The following TXNRD1 variants were observed in gnomAD, a reference collection of about 807,000 sequenced individuals.
The protein encoded by TXNRD1 is thioredoxin reductase 1.
A neutral mutation model predicts 80.3 loss-of-function variants in TXNRD1; 57 were observed. That is an observed-to-expected ratio of 0.71 (90% CI 0.57 to 0.89). The LOEUF (loss-of-function observed/expected upper bound fraction) is 0.89, where lower values mean the gene tolerates loss of function less well. Among genes scored for constraint, TXNRD1 ranks in the 40% least tolerant of loss-of-function variants. TXNRD1 has a pLI of 0.00. For synonymous variants in TXNRD1, 291 were observed against 285.2 expected (o/e 1.02, Z -0.20); for missense variants, 730 against 803.0 (o/e 0.91, Z 1.10).
chr12:104,339,076 G>A (rs1029900325), intron 15 of TXNRD1, 63 bp from the exon 16 acceptor site: 4 of 1,595,934 alleles, frequency 2.5e-6, no homozygotes, highest in South Asian at 1.1e-5. Context: ...GCTCTAAGCT[G>A]TGTAGGAAGA....
chr12:104,303,959 G>A lies in TXNRD1; in HGVS notation c.415-7331G>A, dbSNP rs756054310. ...GATGAAGATGGATGTGTCAGTGAGGGCCGCGGGCTGCTCCGACGACCTCAG... is the reference window on the plus strand; with the variant it reads ...GATGAAGATGGATGTGTCAGTGAGGACCGCGGGCTGCTCCGACGACCTCAG... On this transcript the variant is annotated intron_variant, in intron 4 of 16. Transcript: ENST00000525566. 5 of 1,601,564 alleles carry A rather than the reference G, an allele frequency of 3.1e-6. No homozygotes were observed. The South Asian group carries it at 4.4e-5, about 14-fold the overall frequency.
rs1341070458 is a variant in TXNRD1 at position 104,304,979 on chromosome 12, G to A, written c.415-6311G>A. On this transcript the variant is annotated intron_variant, in intron 4 of 16. Transcript: ENST00000525566. ...ATCCTTTTTGTGTTTTTTTTCTGAA[G>A]TTAGATGGAGAGTAAAATGTAAACT... 6.6e-6 allele frequency: 10 copies of A among 1,517,306 alleles called. No homozygotes were observed. The South Asian group carries it at 1.2e-4, about 18-fold the overall frequency. The allele number at this position is 1,517,306 out of a possible 1,614,324, so 94.0% of individuals were successfully genotyped here.
chr12:104,300,582 C>T (rs2034588063), intron 4 of TXNRD1, among the ~76,000 whole-genome samples: 2 of 152,190 alleles, frequency 1.3e-5, no homozygotes, highest in Admixed American at 6.5e-5. Flanking sequence ...GATTAACCGG[C>T]ATGGAAATCC....
chr12:104,319,487 C>T lies in TXNRD1; in HGVS notation c.891C>T (p.Gly297=), dbSNP rs1361060918. 2 of 1,586,260 alleles carry T rather than the reference C, an allele frequency of 1.3e-6. No individual in the cohort carries two copies. Among genetic ancestry groups the T allele is most frequent in the Admixed American group, 3.6e-5 (2 of 55,200 alleles). The change falls in exon 9 of 17, where the codon GGC becomes GGT. Residue 297 remains glycine (G), a synonymous_variant. Transcript: ENST00000525566. The part of the protein sequence containing the change: ...PHRIKATNNK[G]KEKIYSAERF... ...CTTTGTAGGCAACAAATAATAAAGG[C>T]AAAGAAAAAATTTATTCAGCAGAGA...
At chr12:104,280,680 A>G (rs1175412551) in intron 3 of TXNRD1, 1 of 152,196 alleles carries the variant, frequency 6.6e-6, no homozygotes. Context: ...CATAATGTGG[A>G]TGGGCTTCAT....
At chr12:104,292,425 G>C (rs1207584083) in intron 4 of TXNRD1, among the ~76,000 whole-genome samples, 1 of 143,888 alleles carries the variant, frequency 6.9e-6, no homozygotes, top group Non-Finnish European at 1.5e-5. Context: ...TTCTGCTCTT[G>C]TTGCCTGGGC....
chr12:104,301,624 A>G (rs7304355), intron 4 of TXNRD1, among the ~76,000 whole-genome samples: 13,321 of 152,324 alleles, frequency 0.087, 618 homozygotes, highest in African/African-American at 0.11. Flanking sequence ...GGCGTGAGCC[A>G]CCGTGCCCGG....
At chr12:104,231,262 C>G (rs2032616212) in intron 1 of TXNRD1, among the ~76,000 whole-genome samples, 1 of 152,176 alleles carries the variant, frequency 6.6e-6, no homozygotes, top group Non-Finnish European at 1.5e-5. Flanking sequence ...ACAACTATTT[C>G]TGGCTACTTC....
chr12:104,321,428 C>T, intron 10 of TXNRD1, 112 bp downstream of exon 10: 1 of 802,712 alleles, frequency 1.2e-6, no homozygotes, highest in Non-Finnish European at 2.0e-6. Context: ...ATCAGGAATG[C>T]TGATTCCCCT....
chr12:104,231,739 C>T (rs1255769509), intron 1 of TXNRD1, among the ~76,000 whole-genome samples: 2 of 152,176 alleles, frequency 1.3e-5, no homozygotes, highest in Non-Finnish European at 1.5e-5. Flanking sequence ...TATGGGCACC[C>T]TACTCACTTT....
intron 1 of TXNRD1, among the ~76,000 whole-genome samples, chr12:104,246,498 T>A (rs531332267): frequency 5.3e-5 from 8 of 149,908 alleles, no homozygotes; most frequent in Non-Finnish European, 8.9e-5. Flanking sequence ...CATACTATTT[T>A]GAAAGTACAT....
chr12:104,218,408 A>G (rs2032270606), intron 1 of TXNRD1, among the ~76,000 whole-genome samples: 1 of 152,144 alleles, frequency 6.6e-6, no homozygotes, highest in Non-Finnish European at 1.5e-5. Context: ...CATGCAGCCC[A>G]CACTCAGCTG....
intron 3 of TXNRD1, among the ~76,000 whole-genome samples, chr12:104,277,163 G>A (rs1399091094): frequency 1.3e-5 from 2 of 151,722 alleles, no homozygotes; most frequent in Non-Finnish European, 2.9e-5. Context: ...AGGCCGAGGC[G>A]GGTGGATCAC....
chr12:104,327,478 GTAAT>G, intron 12 of TXNRD1, 33 bp from the exon 13 acceptor site: 1 of 1,574,752 alleles, frequency 6.4e-7, no homozygotes, highest in Non-Finnish European at 8.7e-7. Flanking sequence ...ATTAATAATG[GTAAT>G]TAATGATGAT....
intron 10 of TXNRD1, among the ~76,000 whole-genome samples, chr12:104,324,109 G>A (rs1257232120): frequency 6.6e-6 from 1 of 152,148 alleles, no homozygotes; most frequent in Non-Finnish European, 1.5e-5. Context: ...AAGTACAAAA[G>A]TGAATAAGGG....
At chr12:104,265,955 TAA>T (rs34365410) in intron 3 of TXNRD1, 30,097 of 437,004 alleles carry the variant, frequency 0.069, 755 homozygotes, top group East Asian at 0.27. Context: ...CACAAAATCT[TAA>T]AAAAAAAAAA....
intron 16 of TXNRD1, 105 bp from the exon 17 acceptor site, chr12:104,348,248 T>TA: frequency 2.2e-6 from 2 of 910,050 alleles, no homozygotes; most frequent in Non-Finnish European, 3.5e-6. Flanking sequence ...TTCATTTTGG[T>TA]AGTCGCCTAA....
At chr12:104,278,059 A>G (rs1777866558) in intron 3 of TXNRD1, among the ~76,000 whole-genome samples, 1 of 149,386 alleles carries the variant, frequency 6.7e-6, no homozygotes, top group African/African-American at 2.5e-5. Flanking sequence ...TTGTATTTTT[A>G]GTAGAGAGGG....
intron 1 of TXNRD1, among the ~76,000 whole-genome samples, chr12:104,236,137 A>C (rs2135688637): frequency 6.6e-6 from 1 of 152,280 alleles, no homozygotes; most frequent in Non-Finnish European, 1.5e-5. Flanking sequence ...ATCTTGGGAA[A>C]TACTGTTATC....
Sources: allele counts gnomAD v4.1 joint callset (sites outside exome capture counted in the v4.1 genomes callset), GRCh38; gene constraint gnomAD v4.1.1; transcripts MANE v1.5; gene names NCBI Gene and HGNC (gene_info 2026-07-23, HGNC 2026-07-21).